BCR: variants seen among roughly 807,000 people sequenced by gnomAD.
BCR encodes the protein breakpoint cluster region protein.
In BCR, 58 loss-of-function variants were observed where a neutral mutation model predicts 138.6. The ratio of observed to expected loss-of-function variants is 0.42; its 90% CI spans 0.34 to 0.52. The LOEUF (loss-of-function observed/expected upper bound fraction) is 0.52. Ranked by LOEUF, BCR falls within the 20% of genes least tolerant of loss-of-function variation. BCR has a pLI of 0.06. For synonymous variants in BCR, 786 were observed against 730.1 expected, an observed-to-expected ratio of 1.08 and a Z score of -1.23; for missense variants, 1,599 against 1,727.2, an observed-to-expected ratio of 0.93 and a Z score of 1.32.
chr22:23,181,187 G>T lies in BCR; in HGVS notation c.227G>T (p.Gly76Val). The T allele has an allele frequency of 7.5e-7, 1 of 1,332,748 alleles. No individual in the cohort carries two copies. The highest frequency in any genetic ancestry group is 9.8e-7 in the Non-Finnish European group (1 of 1,019,990). The allele number at this position is 1,332,748 out of a possible 1,614,324, so 82.6% of individuals were successfully genotyped here. ...AAGAGCTATGACCGGCAGCGATGGG[G>T]CTTCCGGCGCGCGGCGCAGGCCCCC... Reference protein sequence around the residue: ...EKKSYDRQRWGFRRAAQAPDG... With the variant: ...EKKSYDRQRWVFRRAAQAPDG... Residue 76 changes from glycine (G) to valine (V), a missense_variant, in exon 1 of 23, where the codon GGC becomes GTC. Transcript: ENST00000305877.
At chr22:23,258,052 G>C (rs1485435000) in intron 2 of BCR, among the ~76,000 whole-genome samples, 1 of 152,204 alleles carries the variant, frequency 6.6e-6, no homozygotes, top group Non-Finnish European at 1.5e-5. Context: ...GCCCTGGGGG[G>C]ACAGGTGTGC....
rs1246507407 is a variant in BCR at position 23,292,597 on chromosome 22, A to T, written c.2839A>T (p.Thr947Ser). ...TGGGTATTTTGTGAATAAAGCAAAG[A>T]CGCGCGTCTACAGGGACACAGCTGA... is the stretch of plus-strand genomic sequence containing the variant. The part of the protein sequence containing the change: ...SFGYFVNKAK[T>S]RVYRDTAEPN... The change falls in exon 15 of 23, where the codon ACG becomes TCG. Residue 947 changes from threonine (T) to serine (S), a missense_variant. Thr to Ser is a moderately conservative substitution (Grantham distance 58). Coordinates refer to ENST00000305877, the MANE Select transcript of BCR (RefSeq NM_004327.4). The T allele has an allele frequency of 6.2e-7, 1 of 1,613,480 alleles. No individual in the cohort carries two copies. Among genetic ancestry groups the T allele is most frequent in the African/African-American group, 1.3e-5 (1 of 74,888 alleles).
At chr22:23,304,757 G>A (rs967662561) in intron 16 of BCR, among the ~76,000 whole-genome samples, 1 of 152,166 alleles carries the variant, frequency 6.6e-6, no homozygotes, top group East Asian at 1.9e-4. Context: ...AGGGAGAAGG[G>A]TGTGTTCCTT....
chr22:23,215,536 G>A (rs2072741732), intron 1 of BCR, among the ~76,000 whole-genome samples: 1 of 152,212 alleles, frequency 6.6e-6, no homozygotes, highest in African/African-American at 2.4e-5. Flanking sequence ...CTCTGCCAAG[G>A]GAGCTTGAGC....
intron 2 of BCR, among the ~76,000 whole-genome samples, chr22:23,255,296 A>C (rs1288042687): frequency 1.3e-5 from 2 of 152,190 alleles, no homozygotes; most frequent in Non-Finnish European, 2.9e-5. Flanking sequence ...CAGCACACAC[A>C]GGCTGCTGCC....
chr22:23,301,002 G>A (rs1409035811), intron 16 of BCR, among the ~76,000 whole-genome samples: 1 of 152,224 alleles, frequency 6.6e-6, no homozygotes, highest in African/African-American at 2.4e-5. Flanking sequence ...GGGCTAACAT[G>A]ATTTAGCAAC....
At chr22:23,258,342 G>GGGGCTCCCTCCCC (rs2073319486) in intron 2 of BCR, among the ~76,000 whole-genome samples, 1 of 152,178 alleles carries the variant, frequency 6.6e-6, no homozygotes, top group African/African-American at 2.4e-5. Context: ...GGCACAGGGT[G>GGGGCTCCCTCCCC]GGGCTCCCTC....
intron 22 of BCR, 112 bp downstream of exon 22, chr22:23,314,826 C>A: frequency 7.4e-7 from 1 of 1,357,010 alleles, no homozygotes; most frequent in Non-Finnish European, 1.0e-6. Context: ...GTGGTGTGGC[C>A]AACATTCACA....
chr22:23,191,679 A>G (rs964896241), intron 1 of BCR, among the ~76,000 whole-genome samples: 8 of 152,232 alleles, frequency 5.3e-5, no homozygotes, highest in Middle Eastern at 3.4e-3. Context: ...ACCTGAGCCC[A>G]TGGAGGTCTG....
intron 1 of BCR, among the ~76,000 whole-genome samples, chr22:23,236,619 TCTGGGTTCC>T (rs1186539046): frequency 3.3e-5 from 5 of 152,194 alleles, no homozygotes; most frequent in African/African-American, 1.2e-4. Context: ...GCCCAGTGGG[TCTGGGTTCC>T]CCTCATGAGG....
rs961793494 is a variant in BCR, at chr22:23,309,613, G to A, written c.3072+130G>A. The A allele has an allele frequency of 1.1e-5, 8 of 701,558 alleles. No homozygotes were observed. In the East Asian group the frequency reaches 2.2e-4, roughly 19 times the overall value. 43.5% of individuals were successfully genotyped at this position (701,558 alleles called of 1,614,324 possible). The stretch of plus-strand genomic sequence containing the variant: ...TGAGAGGGAGCCTGGTTGGAGAAGG[G>A]AGGGCCCCCAAGAGCAGAATCACCA... On this transcript the variant is annotated intron_variant, in intron 17 of 22. Transcript: ENST00000305877.
intron 8 of BCR, among the ~76,000 whole-genome samples, chr22:23,278,629 A>T (rs2073606802): frequency 2.0e-5 from 3 of 151,874 alleles, no homozygotes. Context: ...CCGGAGGCGG[A>T]GGCAGGAGAA....
chr22:23,302,238 A>G (rs12168342), intron 16 of BCR: 30,928 of 152,446 alleles, frequency 0.2, 3,334 homozygotes, highest in Middle Eastern at 0.28. Context: ...TAAGGGGAGC[A>G]AAAAACCAGA....
At chr22:23,212,251 G>A (rs1781254797) in intron 1 of BCR, among the ~76,000 whole-genome samples, 1 of 152,212 alleles carries the variant, frequency 6.6e-6, no homozygotes, top group Non-Finnish European at 1.5e-5. Flanking sequence ...AGCTGTGGTA[G>A]GATTGGCTGC....
chr22:23,182,260 G>A (rs887433747), intron 1 of BCR, 21 bp downstream of exon 1: 1 of 1,531,382 alleles, frequency 6.5e-7, no homozygotes, highest in African/African-American at 1.4e-5. Context: ...CACGCCACGT[G>A]CGTGGGCACA....
At chr22:23,207,593 A>G (rs2072632203) in intron 1 of BCR, among the ~76,000 whole-genome samples, 1 of 152,174 alleles carries the variant, frequency 6.6e-6, no homozygotes, top group Non-Finnish European at 1.5e-5. Context: ...ACTGCACTCT[A>G]GCCTGGGCGA....
At chr22:23,193,540 A>G (rs551965489) in intron 1 of BCR, among the ~76,000 whole-genome samples, 3 of 152,328 alleles carry the variant, frequency 2.0e-5, no homozygotes, top group African/African-American at 7.2e-5. Flanking sequence ...TGGCTCAGCC[A>G]TTGTATAACC....
intron 1 of BCR, among the ~76,000 whole-genome samples, chr22:23,245,805 T>TAAAA (rs796163043): frequency 7.2e-6 from 1 of 139,296 alleles, no homozygotes. Context: ...AGGTCAGCCT[T>TAAAA]AAAAAAAAAA....
Position 23,251,564 on chromosome 22 carries a change from C to T in BCR, c.1280-2235C>T, listed in dbSNP as rs75580838. Among the ~76,000 whole-genome samples, 350 of 152,340 alleles carry T rather than the reference C, an allele frequency of 2.3e-3. 3 individuals are homozygous for T. Among genetic ancestry groups the T allele is most frequent in the African/African-American group, 8.0e-3 (333 of 41,578 alleles). On this transcript the variant is annotated intron_variant, in intron 1 of 22. Transcript: ENST00000305877. ...ATCACTCCAGACACACGGCTCTCCC[C>T]GGCCTTCCACGTGGAAAGGACTGAC...
Sources: gnomAD v4.1 joint callset for allele counts (sites outside exome capture counted in the v4.1 genomes callset) on GRCh38, gnomAD v4.1.1 for gene constraint, MANE v1.5 for transcripts, NCBI Gene and HGNC (gene_info 2026-07-23, HGNC 2026-07-21) for gene names.